GLMN: variants seen among roughly 807,000 people sequenced by gnomAD.
GLMN encodes the protein glomulin.
Under a neutral mutation model 87.8 loss-of-function variants are expected in GLMN, and 75 were observed. The observed-to-expected ratio is 0.85, with a 90% confidence interval of 0.71 to 1.04. GLMN has a LOEUF of 1.04. Among genes scored for constraint, GLMN ranks in the 50% least tolerant of loss-of-function variants. GLMN has a pLI of 0.00. For missense variants in GLMN, 588 were observed against 658.8 expected, an observed-to-expected ratio of 0.89 and a Z score of 1.18; for synonymous variants, 206 against 221.6, an observed-to-expected ratio of 0.93 and a Z score of 0.63.
intron 16 of GLMN, among the ~76,000 whole-genome samples, chr1:92,262,126 C>CA (rs1490128119): frequency 6.6e-6 from 1 of 151,790 alleles, no homozygotes; most frequent in Non-Finnish European, 1.5e-5. Context: ...ACCTTCATCC[C>CA]AAATCACGAT....
At chr1:92,280,217 A>G (rs1193550355) in intron 7 of GLMN, among the ~76,000 whole-genome samples, 1 of 152,214 alleles carries the variant, frequency 6.6e-6, no homozygotes, top group Admixed American at 6.5e-5. Context: ...TAGGGGGCCG[A>G]CAGACACCTC....
At chr1:92,310,657 G>A in the GLMN span, among the ~76,000 whole-genome samples, 1 of 152,072 alleles carries the variant, frequency 6.6e-6, no homozygotes, top group Admixed American at 6.5e-5. Context: ...CAGCATTTGG[G>A]AGGCCGAGAC....
intron 4 of GLMN, among the ~76,000 whole-genome samples, chr1:92,290,990 C>G (rs1336823175): frequency 6.6e-6 from 1 of 152,116 alleles, no homozygotes; most frequent in African/African-American, 2.4e-5. Context: ...CACTTGTATT[C>G]TAGGCCTTCC....
intron 7 of GLMN, among the ~76,000 whole-genome samples, chr1:92,281,998 T>C (rs537208357): frequency 6.6e-6 from 1 of 152,042 alleles, no homozygotes; most frequent in African/African-American, 2.4e-5. Context: ...CCTACAAAGA[T>C]ACTTAGACTC....
At position 92,247,163 on chromosome 1, in the gene GLMN, CAT is replaced by C. The variant is rs1652796316; in HGVS notation, c.1586-21_1586-20del. ...TGGGCCTCTGTAAGAGAAGAAAAATCATGTGTGACACTTAACTCTCAGATTTC... is the reference window on the plus strand; with the variant it reads ...TGGGCCTCTGTAAGAGAAGAAAAATCGTGTGACACTTAACTCTCAGATTTC... On this transcript the variant is annotated intron_variant, in intron 17 of 18. Coordinates refer to ENST00000370360, the MANE Select transcript of GLMN (RefSeq NM_053274.3). 1 of 1,145,180 alleles carries C rather than the reference CAT, an allele frequency of 8.7e-7. No homozygotes were observed. The highest frequency in any genetic ancestry group is 1.3e-6 in the Non-Finnish European group (1 of 755,386). 70.9% of individuals were successfully genotyped at this position (1,145,180 alleles called of 1,614,324 possible).
chr1:92,283,464 G>GT (rs1332452589), intron 7 of GLMN, among the ~76,000 whole-genome samples: 24 of 152,052 alleles, frequency 1.6e-4, no homozygotes, highest in Non-Finnish European at 3.1e-4. Context: ...TTGATGGAAC[G>GT]TATCTCAAAA....
At chr1:92,336,455 C>A in the GLMN span, 2 of 1,452,648 alleles carry the variant, frequency 1.4e-6, no homozygotes, top group Non-Finnish European at 1.9e-6. Flanking sequence ...AATTATCCTT[C>A]TCAATTATTT....
In GLMN at chr1:92,246,595, G is replaced by A. The variant is rs751408583; in HGVS notation, c.1720C>T (p.Arg574Ter). ...TFDLIESVLA[R>*]VEELIEIKTK... Reference sequence around the variant, plus strand: ...TTTATTTCAATGAGTTCTTCCACTCGAGCTAGAACACTTTCAATCAAATCA... The same window carrying A: ...TTTATTTCAATGAGTTCTTCCACTCAAGCTAGAACACTTTCAATCAAATCA... Residue 574 changes from arginine (R) to a stop codon, truncating the protein, a stop_gained, in exon 19 of 19, where the codon CGA becomes TGA. Coordinates refer to ENST00000370360, the MANE Select transcript of GLMN (RefSeq NM_053274.3). LOFTEE classifies it high-confidence loss of function. 8.1e-6 allele frequency: 13 copies of A among 1,598,650 alleles called. No homozygotes were observed. Among genetic ancestry groups the A allele is most frequent in the Non-Finnish European group, 1.0e-5 (12 of 1,166,056 alleles).
intron 13 of GLMN, among the ~76,000 whole-genome samples, chr1:92,265,644 C>T (rs1348840233): frequency 6.6e-6 from 1 of 152,068 alleles, no homozygotes; most frequent in Non-Finnish European, 1.5e-5. Context: ...TGGCATGCAC[C>T]TGTAGTCCCA....
At chr1:92,283,572 C>T (rs1648347642) in intron 7 of GLMN, among the ~76,000 whole-genome samples, 1 of 152,118 alleles carries the variant, frequency 6.6e-6, no homozygotes, top group Non-Finnish European at 1.5e-5. Context: ...GACAAGGAAG[C>T]CCTCTCTCAC....
chr1:92,267,425 TG>T (rs1465291439), intron 11 of GLMN, among the ~76,000 whole-genome samples: 1 of 152,172 alleles, frequency 6.6e-6, no homozygotes, highest in East Asian at 1.9e-4. Flanking sequence ...TAGTTCCGGC[TG>T]GGTGTGGTGG....
At position 92,269,670 on chromosome 1, in the gene GLMN, G is replaced by C. The variant is rs571341703; in HGVS notation, c.977+53C>G. 2.4e-4 allele frequency: 270 copies of C among 1,133,130 alleles called. 1 individual carries two copies. In the African/African-American group the frequency reaches 3.8e-3, roughly 16 times the overall value. 70.2% of individuals were successfully genotyped at this position (1,133,130 alleles called of 1,614,324 possible). A position where few individuals can be genotyped will look rare whatever the true frequency, so the allele number is the denominator to read the frequency against. On this transcript the variant is annotated intron_variant, in intron 9 of 18. Coordinates refer to ENST00000370360, the MANE Select transcript of GLMN (RefSeq NM_053274.3). Reference sequence around the variant, plus strand: ...AGGCAGTCTCCGCTGATCTTAACAAGGACTATTTTAACACTACTATTTCAT... The same window carrying C: ...AGGCAGTCTCCGCTGATCTTAACAACGACTATTTTAACACTACTATTTCAT...
intron 16 of GLMN, among the ~76,000 whole-genome samples, chr1:92,248,938 A>G (rs974207030): frequency 2.6e-5 from 4 of 152,174 alleles, no homozygotes; most frequent in South Asian, 2.1e-4. Context: ...CTTAGCATCT[A>G]TCAACTTATC....
At chr1:92,368,848 T>G in the GLMN span, among the ~76,000 whole-genome samples, 2 of 152,242 alleles carry the variant, frequency 1.3e-5, no homozygotes, top group East Asian at 1.9e-4. Context: ...AGATGCAGTT[T>G]GACACTTGGC....
At chr1:92,270,486 T>C (rs372534691) in intron 8 of GLMN, among the ~76,000 whole-genome samples, 1 of 152,184 alleles carries the variant, frequency 6.6e-6, no homozygotes, top group African/African-American at 2.4e-5. Context: ...ATAAAGTTAT[T>C]AGCATAATGT....
intron 16 of GLMN, among the ~76,000 whole-genome samples, chr1:92,254,573 G>A (rs562300263): frequency 6.6e-5 from 10 of 152,310 alleles, no homozygotes; most frequent in South Asian, 2.1e-4. Flanking sequence ...GGTTCTCTCT[G>A]CAGAAACCCT....
chr1:92,264,465 G>C, intron 14 of GLMN, 89 bp downstream of exon 14: 1 of 707,862 alleles, frequency 1.4e-6, no homozygotes, highest in East Asian at 2.7e-5. Flanking sequence ...ACTAGAGATA[G>C]AGCAATAACT....
the GLMN span, among the ~76,000 whole-genome samples, chr1:92,341,349 T>C: frequency 6.6e-6 from 1 of 152,192 alleles, no homozygotes; most frequent in African/African-American, 2.4e-5. Context: ...CAAATATTAC[T>C]GTTTCCCTTT....
chr1:92,315,406 G>C, the GLMN span, among the ~76,000 whole-genome samples: 1 of 152,172 alleles, frequency 6.6e-6, no homozygotes, highest in African/African-American at 2.4e-5. Flanking sequence ...TTTGAAATAT[G>C]ATAATTACCA....
Sources: allele counts gnomAD v4.1 joint callset (sites outside exome capture counted in the v4.1 genomes callset), GRCh38; gene constraint gnomAD v4.1.1; transcripts MANE v1.5; gene names NCBI Gene and HGNC (gene_info 2026-07-23, HGNC 2026-07-21).